FMN2: variants seen among roughly 807,000 people sequenced by gnomAD.
The protein encoded by FMN2 is formin 2.
FMN2 carries 51 observed loss-of-function variants against 142.3 expected under a neutral mutation model. The observed-to-expected ratio is 0.36, with a 90% CI of 0.29 to 0.45. FMN2 has a LOEUF of 0.45. Ranked by LOEUF, FMN2 falls within the 20% of genes least tolerant of loss-of-function variation. FMN2 has a pLI of 1.00. For synonymous variants in FMN2, 882 were observed against 869.8 expected (o/e 1.01, Z -0.25); for missense variants, 1,936 against 2,122.8 (o/e 0.91, Z 1.73).
At chr1:240,234,324 G>C (rs1667626057) in intron 6 of FMN2, among the ~76,000 whole-genome samples, 1 of 152,134 alleles carries the variant, frequency 6.6e-6, no homozygotes, top group Non-Finnish European at 1.5e-5. Context: ...AGGAGAAAAA[G>C]GTGAGAAGGG....
At chr1:240,449,345 T>G (rs2103204616) in intron 16 of FMN2, among the ~76,000 whole-genome samples, 2 of 152,266 alleles carry the variant, frequency 1.3e-5, no homozygotes, top group Middle Eastern at 6.8e-3. Context: ...CATGGCCTTC[T>G]GACCAAGTCA....
chr1:240,307,426 G>A (rs974802894), intron 8 of FMN2, among the ~76,000 whole-genome samples: 1 of 152,144 alleles, frequency 6.6e-6, no homozygotes, highest in Non-Finnish European at 1.5e-5. Context: ...TTTATGTGTG[G>A]TAAGAGGTAG....
chr1:240,430,905 A>C (rs561336963), intron 15 of FMN2, among the ~76,000 whole-genome samples: 2 of 149,576 alleles, frequency 1.3e-5, no homozygotes, highest in Non-Finnish European at 2.9e-5. Flanking sequence ...TCTTTTTTTT[A>C]AAAATGTATT....
chr1:240,210,627 G>A (rs1288784252), intron 5 of FMN2, among the ~76,000 whole-genome samples: 3 of 152,164 alleles, frequency 2.0e-5, no homozygotes, highest in Non-Finnish European at 4.4e-5. Flanking sequence ...GGTACTACAC[G>A]AATCTGCAGT....
At position 240,314,645 on chromosome 1, in the gene FMN2, G is replaced by A. The variant is rs140760402; in HGVS notation, c.4216-14431G>A. ...TTTCATCCTAGCTTTGATCCTTGCC[G>A]CTATTTTTCCTCATGTTTTCAGTTC... On this transcript the variant is annotated intron_variant, in intron 8 of 17. Transcript: ENST00000319653. 7.8e-3 allele frequency among the ~76,000 whole-genome samples: 1,182 copies of A among 152,202 alleles called. 14 individuals carry two copies. Among genetic ancestry groups the A allele is most frequent in the African/African-American group, 0.027 (1,142 of 41,532 alleles).
In FMN2 at chr1:240,376,870, GC is replaced by G. The variant is rs948845574; in HGVS notation, c.4859-15637del. 2.4e-4 allele frequency among the ~76,000 whole-genome samples: 36 copies of G among 152,130 alleles called. 1 individual carries two copies. Among genetic ancestry groups the G allele is most frequent in the African/African-American group, 8.7e-4 (36 of 41,526 alleles). ...TTTTCAGTGGTCACTCTAGTGGTGTGCCCCTTTAATTTATCACAGTCTATCT... is the reference window on the plus strand; with the variant it reads ...TTTTCAGTGGTCACTCTAGTGGTGTGCCCTTTAATTTATCACAGTCTATCT... On this transcript the variant is annotated intron_variant, in intron 14 of 17. Coordinates refer to ENST00000319653, the MANE Select transcript of FMN2 (RefSeq NM_020066.5).
chr1:240,131,277 G>C (rs1662723599), intron 2 of FMN2, among the ~76,000 whole-genome samples: 1 of 152,154 alleles, frequency 6.6e-6, no homozygotes, highest in African/African-American at 2.4e-5. Context: ...TCGTGTTTAG[G>C]CTCCAAGTGG....
rs372095380 is a variant in FMN2, at chr1:240,123,195, G to A, written c.1632G>A (p.Glu544=). The part of the protein sequence containing the change: ...QNVFTGRTLL[E]KLFSQQENGP... ...CATCTGCAGGGCGAACGCTGTTGGA[G>A]AAGCTGTTCAGCCAGCAGGAGAACG... Residue 544 remains glutamate (E), a synonymous_variant, in exon 2 of 18, where the codon GAG becomes GAA. Transcript: ENST00000319653. 8.2e-5 allele frequency: 133 copies of A among 1,614,058 alleles called. No homozygotes were observed. Among genetic ancestry groups the A allele is most frequent in the Middle Eastern group, 8.2e-4 (5 of 6,084 alleles).
chr1:240,365,214 T>TAC (rs1364148508), intron 14 of FMN2, among the ~76,000 whole-genome samples: 1 of 132,974 alleles, frequency 7.5e-6, no homozygotes, highest in African/African-American at 3.3e-5. Context: ...TGTATATATA[T>TAC]ACACACAGAC....
At chr1:240,348,006 T>C (rs1027552112) in intron 13 of FMN2, among the ~76,000 whole-genome samples, 2 of 152,160 alleles carry the variant, frequency 1.3e-5, no homozygotes, top group African/African-American at 4.8e-5. Flanking sequence ...ACAATGAACA[T>C]ACAAATGCAT....
chr1:240,115,102 C>T (rs1474877868), intron 1 of FMN2, among the ~76,000 whole-genome samples: 7 of 151,996 alleles, frequency 4.6e-5, no homozygotes, highest in Admixed American at 4.6e-4. Context: ...TTATCAGTGC[C>T]CTAGCATTCT....
intron 8 of FMN2, among the ~76,000 whole-genome samples, chr1:240,320,299 T>C (rs1036498694): frequency 1.3e-5 from 2 of 152,102 alleles, no homozygotes; most frequent in Non-Finnish European, 2.9e-5. Context: ...GTTGAAAGTT[T>C]GGAACCTGGA....
chr1:240,329,493 G>A, intron 10 of FMN2, 25 bp downstream of exon 10: 8 of 1,607,160 alleles, frequency 5.0e-6, no homozygotes, highest in Non-Finnish European at 6.8e-6. Context: ...AAAGAGAGCT[G>A]AACTTGAGTC....
intron 2 of FMN2, among the ~76,000 whole-genome samples, chr1:240,129,133 C>G (rs1309022991): frequency 6.6e-6 from 1 of 152,058 alleles, no homozygotes; most frequent in Non-Finnish European, 1.5e-5. Context: ...TTTGGCCTCC[C>G]AAAGTGCTGG....
rs12090424 is a variant in FMN2, at chr1:240,443,167, T to C, written c.5060+4957T>C. Among the ~76,000 whole-genome samples the C allele has an allele frequency of 5.7e-3, 865 of 152,286 alleles. 6 individuals are homozygous for C. The highest frequency in any genetic ancestry group is 0.02 in the African/African-American group (836 of 41,562). ...TATTGTGACTCAGTTACATTCTTGG[T>C]TAGACAAAATATCTTGGTTGTGAGT... On this transcript the variant is annotated intron_variant, in intron 16 of 17. Transcript: ENST00000319653.
At chr1:240,275,494 A>G (rs1362531054) in intron 7 of FMN2, among the ~76,000 whole-genome samples, 1 of 151,586 alleles carries the variant, frequency 6.6e-6, no homozygotes, top group Non-Finnish European at 1.5e-5. Context: ...TCTATCATTG[A>G]TGGGCATTTG....
intron 13 of FMN2, among the ~76,000 whole-genome samples, chr1:240,336,582 A>AAAAAAAAAAAT (rs144682452): frequency 9.8e-6 from 1 of 101,886 alleles, no homozygotes; most frequent in Non-Finnish European, 2.0e-5. Context: ...AAAAAAAAAA[A>AAAAAAAAAAAT]GGTGGTTGCA....
chr1:240,124,553 G>A (rs897493147), intron 2 of FMN2, among the ~76,000 whole-genome samples: 2 of 152,188 alleles, frequency 1.3e-5, no homozygotes, highest in African/African-American at 4.8e-5. Context: ...CATTGGTTGG[G>A]ATGAGTACGC....
At chr1:240,322,421 C>T (rs1439978870) in intron 8 of FMN2, among the ~76,000 whole-genome samples, 5 of 152,104 alleles carry the variant, frequency 3.3e-5, no homozygotes, top group South Asian at 4.1e-4. Context: ...AAAGTGTCCA[C>T]GCAAAGGAAT....
Sources: allele counts gnomAD v4.1 joint callset (sites outside exome capture counted in the v4.1 genomes callset), GRCh38; gene constraint gnomAD v4.1.1; transcripts MANE v1.5; gene names NCBI Gene and HGNC (gene_info 2026-07-23, HGNC 2026-07-21).